SYN3: variants seen among roughly 807,000 people sequenced by gnomAD.
SYN3 encodes synapsin III.
A neutral mutation model predicts 65.8 loss-of-function variants in SYN3; 35 were observed. That is an observed-to-expected ratio of 0.53 (90% confidence interval 0.41 to 0.70). SYN3 has a LOEUF of 0.70. SYN3 is among the 30% of genes least tolerant of loss of function. The pLI is 0.00. For synonymous variants in SYN3, 270 were observed against 292.9 expected, an observed-to-expected ratio of 0.92 and a Z score of 0.80; for missense variants, 680 against 749.0, an observed-to-expected ratio of 0.91 and a Z score of 1.08.
chr22:32,858,172 G>A, intron 6 of SYN3: 1 of 1,610,580 alleles, frequency 6.2e-7, no homozygotes, highest in South Asian at 1.1e-5. Flanking sequence ...AAGGAGGGGA[G>A]GTGCTGACTT....
intron 6 of SYN3, among the ~76,000 whole-genome samples, chr22:32,840,994 C>T (rs1012884075): frequency 2.6e-5 from 4 of 152,126 alleles, no homozygotes; most frequent in African/African-American, 4.8e-5. Flanking sequence ...CCCTGTGAAC[C>T]GAGAATTGCT....
chr22:32,741,748 C>T (rs887261199), intron 6 of SYN3, among the ~76,000 whole-genome samples: 2 of 152,064 alleles, frequency 1.3e-5, no homozygotes, highest in Admixed American at 6.6e-5. Context: ...TTGTCAATAG[C>T]GAAATTAGTG....
chr22:32,806,802 CTCTA>C (rs2046753296), intron 6 of SYN3, among the ~76,000 whole-genome samples: 1 of 150,928 alleles, frequency 6.6e-6, no homozygotes, highest in African/African-American at 2.4e-5. Flanking sequence ...CTATCTATCT[CTCTA>C]TCTAAAATCG....
intron 7 of SYN3, among the ~76,000 whole-genome samples, chr22:32,573,143 C>T (rs1020631391): frequency 6.6e-6 from 1 of 152,156 alleles, no homozygotes; most frequent in Non-Finnish European, 1.5e-5. Flanking sequence ...CCCCAGAGAG[C>T]CAGTTTGCCA....
intron 4 of SYN3, among the ~76,000 whole-genome samples, chr22:32,920,435 T>A (rs2050306950): frequency 6.6e-6 from 1 of 152,160 alleles, no homozygotes; most frequent in Admixed American, 6.5e-5. Context: ...CTGCTCTGCT[T>A]TCTAAATAGA....
At chr22:32,937,398 C>T (rs1204734687) in intron 3 of SYN3, among the ~76,000 whole-genome samples, 1 of 152,122 alleles carries the variant, frequency 6.6e-6, no homozygotes, top group African/African-American at 2.4e-5. Flanking sequence ...ACTACCTGAG[C>T]CTAGGTAGTC....
chr22:32,874,813 CA>C (rs781701312), intron 4 of SYN3, among the ~76,000 whole-genome samples: 17 of 152,200 alleles, frequency 1.1e-4, no homozygotes, highest in Non-Finnish European at 2.4e-4. Context: ...AAAGAGACTT[CA>C]CGTTTTCTCT....
intron 12 of SYN3, among the ~76,000 whole-genome samples, chr22:32,523,918 A>G (rs925907506): frequency 1.3e-5 from 2 of 152,230 alleles, no homozygotes; most frequent in Admixed American, 1.3e-4. Context: ...AAACAGCCTC[A>G]TTGCTGATAC....
chr22:32,637,877 G>A (rs2059840840), intron 6 of SYN3, among the ~76,000 whole-genome samples: 1 of 152,086 alleles, frequency 6.6e-6, no homozygotes, highest in Non-Finnish European at 1.5e-5. Flanking sequence ...AACCTCAAAT[G>A]ATCCACCCGC....
chr22:32,816,993 G>A (rs1220479413), intron 6 of SYN3, among the ~76,000 whole-genome samples: 2 of 151,950 alleles, frequency 1.3e-5, no homozygotes, highest in Non-Finnish European at 2.9e-5. Context: ...TGAGGCGAGA[G>A]GATCGCTTGA....
chr22:32,529,205 T>TG (rs1255322449), intron 10 of SYN3, 197 bp from the exon 11 acceptor site: 2 of 591,906 alleles, frequency 3.4e-6, no homozygotes, highest in African/African-American at 3.7e-5. Flanking sequence ...AACCACTCCC[T>TG]GGAGGTAGTT....
intron 6 of SYN3, among the ~76,000 whole-genome samples, chr22:32,603,755 C>T (rs1346237758): frequency 2.0e-5 from 3 of 152,138 alleles, no homozygotes; most frequent in African/African-American, 7.2e-5. Context: ...TTCTCTCTTC[C>T]CTTCCCAACA....
At chr22:32,796,071 C>G (rs1170324183) in intron 6 of SYN3, among the ~76,000 whole-genome samples, 3 of 152,122 alleles carry the variant, frequency 2.0e-5, no homozygotes, top group African/African-American at 7.2e-5. Flanking sequence ...AGGAGCTACT[C>G]GTTTTTAAAG....
At chr22:32,876,331 G>C (rs2146387977) in intron 4 of SYN3, among the ~76,000 whole-genome samples, 1 of 152,222 alleles carries the variant, frequency 6.6e-6, no homozygotes, top group South Asian at 2.1e-4. Flanking sequence ...TTGGGCGTTA[G>C]GATTCAACAT....
At chr22:32,736,480 C>T (rs1484284251) in intron 6 of SYN3, among the ~76,000 whole-genome samples, 1 of 152,058 alleles carries the variant, frequency 6.6e-6, no homozygotes, top group Non-Finnish European at 1.5e-5. Flanking sequence ...TAATATTATC[C>T]AACATTGTGG....
chr22:32,519,169 A>T (rs377727697), intron 12 of SYN3, among the ~76,000 whole-genome samples: 25 of 152,310 alleles, frequency 1.6e-4, no homozygotes, highest in African/African-American at 5.8e-4. Context: ...GCATTTTGTT[A>T]TCAAGGCAGC....
In SYN3 at chr22:32,678,283, C is replaced by T. The variant is rs941448538; in HGVS notation, c.712-81547G>A. ...TTGGACAGGAGAATCCAGGCACCTG[C>T]GGCCCAGTCCAGTCTAGCACAAACT... On this transcript the variant is annotated intron_variant, in intron 6 of 13. Coordinates refer to ENST00000358763, the MANE Select transcript of SYN3 (RefSeq NM_003490.4). Among the ~76,000 whole-genome samples, 8 of 152,306 alleles carry T rather than the reference C, an allele frequency of 5.3e-5. No homozygotes were observed. The East Asian group carries it at 7.7e-4, about 15-fold the overall frequency.
intron 6 of SYN3, among the ~76,000 whole-genome samples, chr22:32,819,369 C>G (rs1601441600): frequency 6.6e-6 from 1 of 152,222 alleles, no homozygotes; most frequent in East Asian, 1.9e-4. Flanking sequence ...TTCTCGAGGC[C>G]CAGCCCGGCC....
At chr22:32,749,842 G>C (rs2045059092) in intron 6 of SYN3, among the ~76,000 whole-genome samples, 1 of 152,200 alleles carries the variant, frequency 6.6e-6, no homozygotes, top group Non-Finnish European at 1.5e-5. Context: ...GAGGAGAATA[G>C]TTCCAGGTCA....
Sources: gnomAD v4.1 joint callset for allele counts (sites outside exome capture counted in the v4.1 genomes callset) on GRCh38, gnomAD v4.1.1 for gene constraint, MANE v1.5 for transcripts, NCBI Gene and HGNC (gene_info 2026-07-23, HGNC 2026-07-21) for gene names.